The following PARD3B variants were observed in gnomAD, a reference collection of about 807,000 sequenced individuals.
The protein encoded by PARD3B is partitioning defective 3 homolog B.
Under a neutral mutation model 130.2 loss-of-function variants are expected in PARD3B, and 103 were observed. The observed-to-expected ratio is 0.79, with a 90% confidence interval of 0.67 to 0.93. The LOEUF is 0.93. PARD3B is among the 40% of genes least tolerant of loss of function. The pLI is 0.00. For missense variants in PARD3B, 1,609 were observed against 1,499.2 expected (o/e 1.07, Z -1.21); for synonymous variants, 583 against 553.2 (o/e 1.05, Z -0.76).
chr2:205,026,435 G>C (rs1386415633), intron 3 of PARD3B, among the ~76,000 whole-genome samples: 1 of 151,758 alleles, frequency 6.6e-6, no homozygotes, highest in African/African-American at 2.4e-5. Context: ...TACATGTACA[G>C]GGTGATGATT....
Position 205,301,713 on chromosome 2 carries a change from CT to C in PARD3B, c.2630+15del. ...GGCGCCATGCTGAGGTATGGGCCTG[CT>C]TTGAAGGCAAAGTTGGTTCTCATTT... On this transcript the variant is annotated intron_variant, in intron 18 of 22. Transcript: ENST00000406610. This position sits in a 1 kb window ranked among gnomAD's most constrained non-coding sequence, Gnocchi z 5.2. The C allele has an allele frequency of 6.2e-7, 1 of 1,613,926 alleles. No individual in the cohort carries two copies. The highest frequency in any genetic ancestry group is 8.5e-7 in the Non-Finnish European group (1 of 1,179,912).
chr2:205,119,632 A>G (rs546819440), intron 7 of PARD3B, among the ~76,000 whole-genome samples: 2 of 152,028 alleles, frequency 1.3e-5, no homozygotes, highest in Non-Finnish European at 2.9e-5. Context: ...TACGAGAAAA[A>G]TTAGCCAGGC....
chr2:204,721,600 C>T (rs1353851210), intron 2 of PARD3B, among the ~76,000 whole-genome samples: 3 of 152,038 alleles, frequency 2.0e-5, no homozygotes, highest in Non-Finnish European at 2.9e-5. Context: ...CACAATATTT[C>T]GATGGCAAAG....
rs116530719 is a variant in PARD3B at position 205,471,017 on chromosome 2, C to T, written c.3045-28879C>T. On this transcript the variant is annotated intron_variant, in intron 20 of 22. Transcript: ENST00000406610. ...TCAATTCTTGCAGTCTGATGTTTGA[C>T]AAGTTGCAAGTTGTGACCTCGTTCA... Among the ~76,000 whole-genome samples, 786 of 152,282 alleles carry T rather than the reference C, an allele frequency of 5.2e-3. 7 individuals are homozygous for T. Among genetic ancestry groups the T allele is most frequent in the African/African-American group, 0.016 (646 of 41,550 alleles).
At position 205,287,079 on chromosome 2, in the gene PARD3B, T is replaced by C. The variant is rs964830214; in HGVS notation, c.2186-13451T>C. Among the ~76,000 whole-genome samples the C allele has an allele frequency of 1.3e-5, 2 of 152,200 alleles. No individual in the cohort carries two copies. The highest frequency in any genetic ancestry group is 4.8e-5 in the African/African-American group (2 of 41,448). On this transcript the variant is annotated intron_variant, in intron 16 of 22. Coordinates refer to ENST00000406610, the MANE Select transcript of PARD3B (RefSeq NM_001302769.2). The surrounding 1 kb of genome is among the most constrained non-coding windows in gnomAD (Gnocchi z 4.8). ...CAACAGACTGGAACATGCCTGTCTA[T>C]AAGCTGGTGTCAGACACACTTCTCA...
chr2:205,310,842 G>A (rs1215021614), intron 18 of PARD3B, among the ~76,000 whole-genome samples: 1 of 147,000 alleles, frequency 6.8e-6, no homozygotes, highest in African/African-American at 2.5e-5. Context: ...TCCTGCCTCA[G>A]CCTCCTGAGT....
intron 4 of PARD3B, among the ~76,000 whole-genome samples, chr2:205,072,805 T>A (rs1700822130): frequency 6.6e-6 from 1 of 152,174 alleles, no homozygotes; most frequent in African/African-American, 2.4e-5. Flanking sequence ...CTAATTCTAT[T>A]TAGTAAAAGC....
intron 16 of PARD3B, among the ~76,000 whole-genome samples, chr2:205,284,235 A>T (rs1026993541): frequency 6.6e-6 from 1 of 152,174 alleles, no homozygotes. Flanking sequence ...CTGTTACTTC[A>T]TGAGGTTCAT....
rs530285276 is a variant in PARD3B at position 204,953,414 on chromosome 2, CACACACAGAGAG to C, written c.223-11736_223-11725del. Among the ~76,000 whole-genome samples, 496 of 106,450 alleles carry C rather than the reference CACACACAGAGAG, an allele frequency of 4.7e-3. 3 individuals are homozygous for C. Among genetic ancestry groups the C allele is most frequent in the African/African-American group, 0.019 (462 of 24,972 alleles). The allele number at this position is 106,450 out of a possible 152,430, so 69.8% of individuals were successfully genotyped here. On this transcript the variant is annotated intron_variant, in intron 2 of 22. Transcript: ENST00000406610. ...ATTGACATATATATGTTAACATACA[CACACACAGAGAG>C]AGAGAGAGAGAGAGAGAGAGAGAGA...
At chr2:204,561,198 G>A (rs554230013) in intron 1 of PARD3B, among the ~76,000 whole-genome samples, 47 of 152,322 alleles carry the variant, frequency 3.1e-4, no homozygotes, top group African/African-American at 1.1e-3. Context: ...TTTTGCACCA[G>A]TTGTTCAGCA....
At chr2:204,585,711 AATAT>A (rs551114517) in intron 1 of PARD3B, among the ~76,000 whole-genome samples, 166 of 152,094 alleles carry the variant, frequency 1.1e-3, no homozygotes, top group Non-Finnish European at 2.0e-3. Context: ...AGGTTGCTAT[AATAT>A]ACGTCTGCAC....
intron 20 of PARD3B, among the ~76,000 whole-genome samples, chr2:205,462,287 T>C (rs1424692557): frequency 6.6e-6 from 1 of 152,244 alleles, no homozygotes; most frequent in African/African-American, 2.4e-5. Context: ...GATTACAAAA[T>C]GCCAAGTTTG....
chr2:205,524,544 C>CCTCTATTGCCTGTGGCT (rs2051248344), intron 21 of PARD3B, among the ~76,000 whole-genome samples: 1 of 152,170 alleles, frequency 6.6e-6, no homozygotes, highest in Non-Finnish European at 1.5e-5. Context: ...GCCGTCTCGT[C>CCTCTATTGCCTGTGGCT]CTCTATTGCC....
chr2:205,473,842 C>T lies in PARD3B; in HGVS notation c.3045-26054C>T, dbSNP rs547790556. Reference sequence around the variant, plus strand: ...AGGGGAGATATTCTTTTCTTTGTTACGTTTAAATGAACTTCACCCTGAGCT... The same window carrying T: ...AGGGGAGATATTCTTTTCTTTGTTATGTTTAAATGAACTTCACCCTGAGCT... On this transcript the variant is annotated intron_variant, in intron 20 of 22. Coordinates refer to ENST00000406610, the MANE Select transcript of PARD3B (RefSeq NM_001302769.2). This position sits in a 1 kb window ranked among gnomAD's most constrained non-coding sequence, Gnocchi z 4.9. 2.3e-4 allele frequency among the ~76,000 whole-genome samples: 35 copies of T among 150,600 alleles called. No individual in the cohort carries two copies. The highest frequency in any genetic ancestry group is 7.5e-4 in the African/African-American group (31 of 41,206).
intron 18 of PARD3B, among the ~76,000 whole-genome samples, chr2:205,380,965 C>A (rs749751300): frequency 0.35 from 11,056 of 31,514 alleles, 1,969 homozygotes; most frequent in African/African-American, 0.48. Flanking sequence ...TATATAATAT[C>A]TAAAGAATAT....
intron 18 of PARD3B, among the ~76,000 whole-genome samples, chr2:205,322,221 G>A (rs2042776775): frequency 6.6e-6 from 1 of 152,138 alleles, no homozygotes; most frequent in South Asian, 2.1e-4. Context: ...AAGTTATAGT[G>A]GATTCATCCA....
chr2:205,224,484 C>T (rs986601675), intron 15 of PARD3B, among the ~76,000 whole-genome samples: 6 of 151,010 alleles, frequency 4.0e-5, no homozygotes, highest in African/African-American at 1.5e-4. Flanking sequence ...AGATCTTATT[C>T]TGACTATATT....
At chr2:204,779,189 T>G (rs1171608944) in intron 2 of PARD3B, among the ~76,000 whole-genome samples, 1 of 152,214 alleles carries the variant, frequency 6.6e-6, no homozygotes, top group Non-Finnish European at 1.5e-5. Context: ...CATCATCCCC[T>G]GGACCAGTCT....
At chr2:205,404,349 G>A (rs573174355) in intron 19 of PARD3B, among the ~76,000 whole-genome samples, 36 of 152,176 alleles carry the variant, frequency 2.4e-4, no homozygotes, top group African/African-American at 7.7e-4. Flanking sequence ...TATATGAGAG[G>A]ATATACATAG....
Sources: gnomAD v4.1 joint callset for allele counts (sites outside exome capture counted in the v4.1 genomes callset) on GRCh38, gnomAD v4.1.1 for gene constraint, Gnocchi (gnomAD v3.1) non-coding constraint, MANE v1.5 for transcripts, NCBI Gene and HGNC (gene_info 2026-07-23, HGNC 2026-07-21) for gene names.